The following CTDSP2 variants were observed in gnomAD, a reference collection of about 807,000 sequenced individuals.
CTDSP2 encodes the protein CTD small phosphatase 2, also known as carboxy-terminal domain RNA polymerase II polypeptide A small phosphatase 2.
A neutral mutation model predicts 31.6 loss-of-function variants in CTDSP2; 9 were observed. That is an observed-to-expected ratio of 0.28 (90% CI 0.17 to 0.50). The LOEUF is 0.50. CTDSP2 is among the 20% of genes least tolerant of loss of function. CTDSP2 has a pLI of 0.98. For synonymous variants in CTDSP2, 134 were observed against 134.5 expected, an observed-to-expected ratio of 1.00 and a Z score of 0.03; for missense variants, 267 against 348.5, an observed-to-expected ratio of 0.77 and a Z score of 1.86.
At chr12:57,830,834 CA>C (rs1956211265) in intron 1 of CTDSP2, among the ~76,000 whole-genome samples, 1 of 151,940 alleles carries the variant, frequency 6.6e-6, no homozygotes, top group Admixed American at 6.5e-5. Flanking sequence ...CCACAACCTC[CA>C]CCTCCTGGGT....
chr12:57,829,122 T>A (rs940760619), intron 2 of CTDSP2, among the ~76,000 whole-genome samples: 2 of 152,230 alleles, frequency 1.3e-5, no homozygotes, highest in Non-Finnish European at 2.9e-5. Flanking sequence ...CTGCAAAGTG[T>A]GAATCCTGTG....
chr12:57,823,921 A>G lies in CTDSP2; in HGVS notation c.673T>C (p.Phe225Leu), dbSNP rs774936151. 14 of 1,613,818 alleles carry G rather than the reference A, an allele frequency of 8.7e-6. No individual in the cohort carries two copies. Among genetic ancestry groups the G allele is most frequent in the South Asian group, 1.1e-5 (1 of 91,068 alleles). Residue 225 changes from phenylalanine (F) to leucine (L), a missense_variant, in exon 7 of 8, where the codon TTC becomes CTC. This residue lies in a region of CTDSP2 where 156 missense variants were observed against 241.3 expected (regional missense o/e 0.65). Coordinates refer to ENST00000398073, the MANE Select transcript of CTDSP2 (RefSeq NM_005730.4). ...GCACTCACTGCATTCTCGGGGTGGA[A>G]TATGTAAGAAGCAGGCGAGTTGTCC... Reference protein sequence around the residue: ...ILDNSPASYIFHPENAVPVQS... With the variant: ...ILDNSPASYILHPENAVPVQS...
At chr12:57,834,243 A>G (rs1956233469) in intron 1 of CTDSP2, among the ~76,000 whole-genome samples, 1 of 152,074 alleles carries the variant, frequency 6.6e-6, no homozygotes, top group Non-Finnish European at 1.5e-5. Flanking sequence ...GGGTCACTGC[A>G]GCCTTGATGT....
rs199880488 is a variant in CTDSP2 at position 57,823,667 on chromosome 12, T to C, written c.751A>G (p.Ile251Val). 3.1e-6 allele frequency: 5 copies of C among 1,614,030 alleles called. No individual in the cohort carries two copies. Among genetic ancestry groups the C allele is most frequent in the African/African-American group, 2.7e-5 (2 of 74,998 alleles). The change falls in exon 8 of 8, where the codon ATC becomes GTC. Residue 251 changes from isoleucine (I) to valine (V), a missense_variant. Ile to Val is a conservative substitution (Grantham distance 29, BLOSUM62 3). Transcript: ENST00000398073. ...TCTGCTCCGCTCAGCTCCTCAAAGA[T>C]TGGGATCAGGTTCAGCAACTCAGTG... ...ADTELLNLIP[I>V]FEELSGAEDV...
intron 1 of CTDSP2, among the ~76,000 whole-genome samples, chr12:57,830,633 T>TA (rs1384418217): frequency 6.6e-6 from 1 of 152,192 alleles, no homozygotes; most frequent in Non-Finnish European, 1.5e-5. Context: ...ATTAGCCCCT[T>TA]AGAACACACA....
In CTDSP2 at chr12:57,821,461, G is replaced by C. The variant is rs1295759171; in HGVS notation, c.*2141C>G. 1 of 152,712 alleles carries C rather than the reference G, an allele frequency of 6.5e-6. No homozygotes were observed. Among genetic ancestry groups the C allele is most frequent in the Non-Finnish European group, 1.5e-5 (1 of 68,072 alleles). The allele number at this position is 152,712 out of a possible 1,614,324, so 9.5% of individuals were successfully genotyped here. A position where few individuals can be genotyped will look rare whatever the true frequency, so the allele number is the denominator to read the frequency against. On this transcript the variant is annotated 3_prime_UTR_variant, in exon 8 of 8. Coordinates refer to ENST00000398073, the MANE Select transcript of CTDSP2 (RefSeq NM_005730.4). ...ATGGAGATCCAAGGGAGGGCGGAAA[G>C]GGTCCTTGCAACTCAGTCAGCTTAG...
Position 57,827,246 on chromosome 12 carries a change from G to C in CTDSP2, c.253-149C>G, listed in dbSNP as rs1211588479. ...CTTAAAGGCCAGGAAGAAAGGAGGT[G>C]GAGTTGTTTCCTTGGTTTCAGCCTC... On this transcript the variant is annotated intron_variant, in intron 3 of 7. Transcript: ENST00000398073. 1.2e-5 allele frequency: 8 copies of C among 650,100 alleles called. No homozygotes were observed. In the South Asian group the frequency reaches 1.5e-4, roughly 12 times the overall value. 40.3% of individuals were successfully genotyped at this position (650,100 alleles called of 1,614,324 possible).
chr12:57,831,063 T>C (rs1216632068), intron 1 of CTDSP2, among the ~76,000 whole-genome samples: 1 of 114,880 alleles, frequency 8.7e-6, no homozygotes, highest in Admixed American at 9.7e-5. Context: ...GTCATTTTAA[T>C]AGAAGACTTG....
intron 1 of CTDSP2, chr12:57,842,528 T>A (rs1310821074): frequency 2.0e-5 from 3 of 152,360 alleles, no homozygotes; most frequent in African/African-American, 7.2e-5. Flanking sequence ...CAGCCCCAGA[T>A]GTTAGGCATT....
intron 2 of CTDSP2, among the ~76,000 whole-genome samples, chr12:57,828,582 T>C (rs1956197520): frequency 6.6e-6 from 1 of 152,266 alleles, no homozygotes; most frequent in South Asian, 2.1e-4. Context: ...TTACACACTC[T>C]GCCTTTTTAC....
intron 1 of CTDSP2, among the ~76,000 whole-genome samples, chr12:57,838,441 A>T (rs1219625511): frequency 6.6e-6 from 1 of 152,206 alleles, no homozygotes; most frequent in East Asian, 1.9e-4. Context: ...CCCCCTAAGG[A>T]GGTGTATAAC....
intron 1 of CTDSP2, among the ~76,000 whole-genome samples, chr12:57,838,352 T>C (rs1474385142): frequency 1.3e-5 from 2 of 152,182 alleles, no homozygotes; most frequent in South Asian, 2.1e-4. Flanking sequence ...GACCCTGCCC[T>C]ATGTAGCACC....
chr12:57,830,305 A>C (rs1443281131), intron 1 of CTDSP2, among the ~76,000 whole-genome samples: 2 of 152,138 alleles, frequency 1.3e-5, no homozygotes, highest in African/African-American at 4.8e-5. Flanking sequence ...GAATGGCGTG[A>C]ACCCAGGAGA....
At chr12:57,841,676 C>G (rs949793137) in intron 1 of CTDSP2, among the ~76,000 whole-genome samples, 3 of 152,280 alleles carry the variant, frequency 2.0e-5, no homozygotes, top group Middle Eastern at 3.4e-3. Flanking sequence ...TCCAGAAGGC[C>G]CAAGCCCCCA....
chr12:57,823,349 A>G lies in CTDSP2; in HGVS notation c.*253T>C. The G allele has an allele frequency of 3.8e-6, 2 of 525,174 alleles. No homozygotes were observed. The highest frequency in any genetic ancestry group is 6.9e-6 in the Non-Finnish European group (2 of 289,308). The allele number at this position is 525,174 out of a possible 1,614,324, so 32.5% of individuals were successfully genotyped here. On this transcript the variant is annotated 3_prime_UTR_variant, in exon 8 of 8. Coordinates refer to ENST00000398073, the MANE Select transcript of CTDSP2 (RefSeq NM_005730.4). ...CTGGGGCCACAGTTCATGGCAAAAC[A>G]CACACACAAACACACACTCTCTCAC...
chr12:57,826,358 C>T lies in CTDSP2; in HGVS notation c.399G>A (p.Gly133=), dbSNP rs751244398. 6.2e-6 allele frequency: 10 copies of T among 1,614,040 alleles called. No individual in the cohort carries two copies. The South Asian group carries it at 1.1e-4, about 18-fold the overall frequency. The part of the protein sequence containing the change: ...ADFIVPIEIE[G]TTHQVYVLKR... ...GCTGGCAGCTCACCTGGTGAGTGGTCCCCTCAATCTCTATAGGCACTATGA... is the reference window on the plus strand; with the variant it reads ...GCTGGCAGCTCACCTGGTGAGTGGTTCCCTCAATCTCTATAGGCACTATGA... Residue 133 remains glycine (G), a synonymous_variant, in exon 5 of 8, where the codon GGG becomes GGA. Transcript: ENST00000398073.
intron 1 of CTDSP2, chr12:57,845,303 A>G (rs1264868033): frequency 6.6e-6 from 1 of 152,310 alleles, no homozygotes; most frequent in African/African-American, 2.4e-5. Context: ...TATTTTGGAC[A>G]CATTCCTCAA....
chr12:57,829,513 C>G lies in CTDSP2; in HGVS notation c.148G>C (p.Val50Leu). The change falls in exon 2 of 8, where the codon GTT becomes CTT. Residue 50 changes from valine (V) to leucine (L), a missense_variant. Val to Leu is a conservative substitution (Grantham distance 32). This residue lies in a region of CTDSP2 where 111 missense variants were observed against 107.1 expected (regional missense o/e 1.04). Transcript: ENST00000398073. ...ALFCCFRAQH[V>L]GQSSSSTELA... Reference sequence around the variant, plus strand: ...TCAGTGGAGGAACTTGACTGGCCAACATGCTGGGCGCGAAAACAGCAGAAA... The same window carrying G: ...TCAGTGGAGGAACTTGACTGGCCAAGATGCTGGGCGCGAAAACAGCAGAAA... 10 of 1,614,180 alleles carry G rather than the reference C, an allele frequency of 6.2e-6. No individual in the cohort carries two copies. The highest frequency in any genetic ancestry group is 7.6e-6 in the Non-Finnish European group (9 of 1,180,030).
Position 57,829,616 on chromosome 12 carries a change from A to G in CTDSP2, c.65-20T>C, listed in dbSNP as rs190317422. ...CCAGGCCTAGGGTGGAGAGAATGAC[A>G]GAGGCTTTAGCTCTAGGGACATCAG... On this transcript the variant is annotated intron_variant, in intron 1 of 7. Coordinates refer to ENST00000398073, the MANE Select transcript of CTDSP2 (RefSeq NM_005730.4). 4 of 1,611,806 alleles carry G rather than the reference A, an allele frequency of 2.5e-6. No homozygotes were observed. The highest frequency in any genetic ancestry group is 3.4e-6 in the Non-Finnish European group (4 of 1,177,868).
Sources: gnomAD v4.1 joint callset for allele counts (sites outside exome capture counted in the v4.1 genomes callset) on GRCh38, gnomAD v4.1.1 for gene constraint, gnomAD v4.1.1 regional missense constraint, MANE v1.5 for transcripts, NCBI Gene and HGNC (gene_info 2026-07-23, HGNC 2026-07-21) for gene names.